Variants in TPPP observed in about 807,000 individuals in gnomAD.
The protein encoded by TPPP is tubulin polymerization promoting protein, also known as tubulin polymerization-promoting protein.
Under a neutral mutation model 15.5 loss-of-function variants are expected in TPPP, and 6 were observed. The observed-to-expected ratio is 0.39, with a 90% CI of 0.21 to 0.77. TPPP has a LOEUF of 0.77. Among genes scored for constraint, TPPP ranks in the 30% least tolerant of loss-of-function variants. The pLI, the probability that TPPP is intolerant of heterozygous loss-of-function variation, is 0.42. For synonymous variants in TPPP, 146 were observed against 133.9 expected (o/e 1.09, Z -0.63); for missense variants, 269 against 307.2 (o/e 0.88, Z 0.93).
At position 668,382 on chromosome 5, in the gene TPPP, G is replaced by C. The variant is rs1465869719; in HGVS notation, c.312-2259C>G. ...GCACACTGGAGAGGGGTCCGCGTGG[G>C]CCTCGTCAGGGAAGTACCGACAAGC... On this transcript the variant is annotated intron_variant, in intron 2 of 3. Transcript: ENST00000360578. Among the ~76,000 whole-genome samples, 4 of 104,320 alleles carry C rather than the reference G, an allele frequency of 3.8e-5. 1 individual carries two copies. In the South Asian group the frequency reaches 1.1e-3, roughly 29 times the overall value. 68.4% of individuals were successfully genotyped at this position (104,320 alleles called of 152,430 possible). A position where few individuals can be genotyped will look rare whatever the true frequency, so the allele number is the denominator to read the frequency against.
intron 2 of TPPP, among the ~76,000 whole-genome samples, chr5:672,829 A>G (rs565582044): frequency 1.4e-3 from 215 of 152,352 alleles, no homozygotes; most frequent in Non-Finnish European, 1.3e-3. Flanking sequence ...GTCTGGGTTA[A>G]CAGTAGGCTT....
chr5:675,164 C>CCA (rs1740368425), intron 2 of TPPP, among the ~76,000 whole-genome samples: 4 of 107,782 alleles, frequency 3.7e-5, no homozygotes, highest in Non-Finnish European at 3.7e-5. Flanking sequence ...TGCAGTGTGG[C>CCA]TGAGAATGCA....
chr5:670,822 C>T (rs1740194847), intron 2 of TPPP, among the ~76,000 whole-genome samples: 1 of 152,178 alleles, frequency 6.6e-6, no homozygotes, highest in Non-Finnish European at 1.5e-5. Flanking sequence ...GCCCTCCAGG[C>T]CCTGCCTATT....
intron 1 of TPPP, among the ~76,000 whole-genome samples, chr5:680,536 G>A (rs1229089240): frequency 7.5e-5 from 11 of 147,014 alleles, no homozygotes; most frequent in Non-Finnish European, 1.3e-4. Context: ...ACCCATGGCC[G>A]TCACACGGGA....
Position 661,908 on chromosome 5 carries a change from G to C in TPPP, c.*3194C>G, listed in dbSNP as rs1318699887. On this transcript the variant is annotated 3_prime_UTR_variant, in exon 4 of 4. Transcript: ENST00000360578. ...TCTGAGAAAAGCCTGAGGGCCGCTG[G>C]GGGAGGGCGTGCCTCTAACTCGTGG... 3 of 152,400 alleles carry C rather than the reference G, an allele frequency of 2.0e-5. No individual in the cohort carries two copies. Among genetic ancestry groups the C allele is most frequent in the Non-Finnish European group, 4.4e-5 (3 of 68,094 alleles). The allele number at this position is 152,400 out of a possible 1,614,324, so 9.4% of individuals were successfully genotyped here.
At chr5:671,180 T>C (rs917640107) in intron 2 of TPPP, among the ~76,000 whole-genome samples, 5 of 146,940 alleles carry the variant, frequency 3.4e-5, no homozygotes, top group Admixed American at 1.4e-4. Flanking sequence ...TGTCTCCCTC[T>C]GGGCGCACAC....
intron 1 of TPPP, among the ~76,000 whole-genome samples, chr5:686,485 T>TGCCCC (rs2126912207): frequency 6.6e-6 from 1 of 151,262 alleles, no homozygotes; most frequent in Non-Finnish European, 1.5e-5. Context: ...GACCCTGCCC[T>TGCCCC]GCCCCGCCCC....
At chr5:684,854 A>G (rs932380552) in intron 1 of TPPP, among the ~76,000 whole-genome samples, 3 of 152,122 alleles carry the variant, frequency 2.0e-5, no homozygotes, top group African/African-American at 7.2e-5. Flanking sequence ...AGAGCTCCCA[A>G]TCAGAACAAA....
chr5:668,421 G>T (rs56954833), intron 2 of TPPP, among the ~76,000 whole-genome samples: 2,419 of 108,074 alleles, frequency 0.022, 358 homozygotes, highest in African/African-American at 0.083. Flanking sequence ...CAGAGAGGGG[G>T]CCGCGTGGGC....
At chr5:697,751 C>T (rs1300991090), upstream of TPPP, among the ~76,000 whole-genome samples, 1 of 151,662 alleles carries the variant, frequency 6.6e-6, no homozygotes, top group Non-Finnish European at 1.5e-5. Flanking sequence ...CCAGATTCTA[C>T]CAAACATATG....
intron 1 of TPPP, among the ~76,000 whole-genome samples, chr5:691,521 C>T (rs1207895125): frequency 1.9e-5 from 2 of 103,386 alleles, no homozygotes; most frequent in South Asian, 3.5e-4. Context: ...GGTGGATCAG[C>T]GGTGACACTG....
chr5:675,189 G>T (rs2458822), intron 2 of TPPP, among the ~76,000 whole-genome samples: 11,329 of 105,244 alleles, frequency 0.11, 1,259 homozygotes, highest in East Asian at 0.17. Context: ...GGAGGGTACG[G>T]TGTGGCCAGG....
upstream of TPPP, among the ~76,000 whole-genome samples, chr5:694,502 C>T (rs1258587450): frequency 1.4e-4 from 18 of 124,530 alleles, no homozygotes; most frequent in African/African-American, 4.6e-4. Flanking sequence ...GGGTGCTGGG[C>T]AGGGGGTGCT....
At position 692,476 on chromosome 5, in the gene TPPP, C is replaced by T. The variant is rs1012944838; in HGVS notation, c.-5+802G>A. On this transcript the variant is annotated intron_variant, in intron 1 of 3. Transcript: ENST00000360578. The stretch of plus-strand genomic sequence containing the variant: ...AACCCCTATCAAAACAGCAGCCCCC[C>T]AAACCCCCATCAAGACAACAGCCCC... 1.5e-5 allele frequency: 14 copies of T among 913,680 alleles called. 1 individual carries two copies. In the African/African-American group the frequency reaches 2.3e-4, roughly 15 times the overall value. The allele number at this position is 913,680 out of a possible 1,614,324, so 56.6% of individuals were successfully genotyped here.
chr5:666,692 C>G (rs1178147815), intron 2 of TPPP, among the ~76,000 whole-genome samples: 1 of 151,998 alleles, frequency 6.6e-6, no homozygotes, highest in Non-Finnish European at 1.5e-5. Flanking sequence ...CCCGGTGGGC[C>G]GGAGGTGCCA....
At chr5:700,308 C>T in the TPPP span, among the ~76,000 whole-genome samples, 1 of 151,960 alleles carries the variant, frequency 6.6e-6, no homozygotes, top group Non-Finnish European at 1.5e-5. Flanking sequence ...GGATAGAGGC[C>T]ATTATCCTGA....
chr5:669,420 G>A (rs959216360), intron 2 of TPPP, among the ~76,000 whole-genome samples: 1 of 152,284 alleles, frequency 6.6e-6, no homozygotes, highest in Admixed American at 6.5e-5. Context: ...ACCCCAGGCA[G>A]CCCACAGTGC....
rs566305721 is a variant in TPPP, at chr5:674,453, T to C, written c.311+3297A>G. Among the ~76,000 whole-genome samples, 126 of 151,088 alleles carry C rather than the reference T, an allele frequency of 8.3e-4. 2 individuals carry two copies. The highest frequency in any genetic ancestry group is 3.0e-3 in the African/African-American group (120 of 40,390). On this transcript the variant is annotated intron_variant, in intron 2 of 3. Transcript: ENST00000360578. The stretch of plus-strand genomic sequence containing the variant: ...ACTGCGAACCCCACCTGCTTCTGCG[T>C]GGGCTAAATATAGCCGACCCAGTTT...
At chr5:668,670 C>T (rs540506343) in intron 2 of TPPP, among the ~76,000 whole-genome samples, 18 of 152,276 alleles carry the variant, frequency 1.2e-4, no homozygotes, top group Non-Finnish European at 2.1e-4. Context: ...GGTGGCCCAG[C>T]AGTCCCGTTC....
Sources: allele counts gnomAD v4.1 joint callset (sites outside exome capture counted in the v4.1 genomes callset), GRCh38; gene constraint gnomAD v4.1.1; transcripts MANE v1.5; gene names NCBI Gene and HGNC (gene_info 2026-07-23, HGNC 2026-07-21).